The following TUBGCP5 variants were observed in gnomAD, a reference collection of about 807,000 sequenced individuals.
TUBGCP5 encodes gamma-tubulin complex component 5.
Under a neutral mutation model 134.7 loss-of-function variants are expected in TUBGCP5, and 98 were observed. That is an observed-to-expected ratio of 0.73 (90% CI 0.62 to 0.86). The LOEUF (loss-of-function observed/expected upper bound fraction) is 0.86, where lower values mean the gene tolerates loss of function less well. Ranked by LOEUF, TUBGCP5 falls within the 40% of genes least tolerant of loss-of-function variation. The probability of loss-of-function intolerance (pLI) is 0.00; values close to 1 mark genes in which losing one functional copy is unlikely to be tolerated. For missense variants in TUBGCP5, 1,150 were observed against 1,244.8 expected (o/e 0.92, Z 1.15); for synonymous variants, 456 against 431.4 (o/e 1.06, Z -0.71).
At chr15:23,030,376 G>A (rs779849213) in intron 6 of TUBGCP5, among the ~76,000 whole-genome samples, 8 of 152,166 alleles carry the variant, frequency 5.3e-5, no homozygotes, top group Admixed American at 1.3e-4. Context: ...AATAAATGCA[G>A]CTGTCCCTCA....
chr15:23,016,792 A>AATT (rs932692259), intron 13 of TUBGCP5, among the ~76,000 whole-genome samples: 5 of 151,802 alleles, frequency 3.3e-5, no homozygotes, highest in African/African-American at 1.2e-4. Context: ...AAAAACTACA[A>AATT]ATAGAACTAC....
chr15:23,024,890 T>C (rs2065902501), intron 8 of TUBGCP5, 60 bp from the exon 9 acceptor site: 3 of 1,038,642 alleles, frequency 2.9e-6, no homozygotes, highest in Non-Finnish European at 4.4e-6. Context: ...TTCATGACAG[T>C]ATGCCCAGGA....
At chr15:23,017,007 AAG>A (rs1324731971) in intron 13 of TUBGCP5, among the ~76,000 whole-genome samples, 1 of 89,568 alleles carries the variant, frequency 1.1e-5, no homozygotes, top group East Asian at 4.1e-4. Flanking sequence ...TTGAAGATAA[AAG>A]AGTGAATCCT....
intron 11 of TUBGCP5, among the ~76,000 whole-genome samples, chr15:23,020,584 C>CGAAA (rs2065619630): frequency 1.3e-5 from 1 of 76,242 alleles, no homozygotes; most frequent in African/African-American, 5.0e-5. Flanking sequence ...GACTACGTCT[C>CGAAA]AAAAAAAAAA....
intron 16 of TUBGCP5, among the ~76,000 whole-genome samples, chr15:23,007,070 G>A (rs1244131638): frequency 1.3e-5 from 2 of 152,174 alleles, no homozygotes; most frequent in African/African-American, 4.8e-5. Context: ...ACAGGGCAGT[G>A]TGTGATTATG....
At position 23,039,559 on chromosome 15, in the gene TUBGCP5, AGC is replaced by A; in HGVS notation, c.-18_-17del. The A allele has an allele frequency of 7.2e-7, 1 of 1,393,668 alleles. No homozygotes were observed. The highest frequency in any genetic ancestry group is 9.5e-7 in the Non-Finnish European group (1 of 1,058,124). 86.3% of individuals were successfully genotyped at this position (1,393,668 alleles called of 1,614,324 possible). On this transcript the variant is annotated 5_prime_UTR_variant, in exon 1 of 23. Transcript: ENST00000615383. Reference sequence around the variant, plus strand: ...GCCGCGCCATGTTCCGCGCTCCTGCAGCGCGCGTCTAACGAATTGGTGCCTGT... The same window carrying A: ...GCCGCGCCATGTTCCGCGCTCCTGCAGCGCGTCTAACGAATTGGTGCCTGT...
chr15:23,029,751 C>G (rs1032485826), intron 6 of TUBGCP5, among the ~76,000 whole-genome samples: 2 of 151,746 alleles, frequency 1.3e-5, no homozygotes, highest in Non-Finnish European at 2.9e-5. Context: ...GAGTGTGGTA[C>G]ACGCCTGTAA....
intron 6 of TUBGCP5, among the ~76,000 whole-genome samples, chr15:23,029,105 A>T (rs1463333652): frequency 6.6e-6 from 1 of 152,250 alleles, no homozygotes; most frequent in Non-Finnish European, 1.5e-5. Flanking sequence ...AACTCTAGTA[A>T]AAGATAAAAA....
At chr15:22,993,529 T>TG (rs2063928174) in intron 23 of TUBGCP5, among the ~76,000 whole-genome samples, 2 of 83,108 alleles carry the variant, frequency 2.4e-5, no homozygotes, top group Non-Finnish European at 4.8e-5. Flanking sequence ...CCCGAAGTTT[T>TG]TTTTTTTTTT....
chr15:22,988,367 A>G (rs1163513126), intron 23 of TUBGCP5, among the ~76,000 whole-genome samples: 1 of 151,922 alleles, frequency 6.6e-6, no homozygotes, highest in Non-Finnish European at 1.5e-5. Context: ...CAGGTAAAGA[A>G]TGGTGGAGGC....
intron 13 of TUBGCP5, among the ~76,000 whole-genome samples, chr15:23,012,731 G>T (rs1314466966): frequency 6.6e-6 from 1 of 152,150 alleles, no homozygotes; most frequent in Non-Finnish European, 1.5e-5. Context: ...TGAAATTTAT[G>T]ATCGAGTCTG....
chr15:23,016,986 A>ATATATATATATATATATATATG (rs373904143), intron 13 of TUBGCP5, among the ~76,000 whole-genome samples: 103 of 138,284 alleles, frequency 7.4e-4, no homozygotes, highest in Middle Eastern at 3.8e-3. Flanking sequence ...ATATATATAT[A>ATATATATATATATATATATATG]TGTATATATC....
Position 23,011,252 on chromosome 15 carries a change from T to C in TUBGCP5, c.1836A>G (p.Pro612=). The C allele has an allele frequency of 6.2e-7, 1 of 1,613,888 alleles. No homozygotes were observed. The highest frequency in any genetic ancestry group is 8.5e-7 in the Non-Finnish European group (1 of 1,179,960). Reference sequence around the variant, plus strand: ...TTGCCTGTTGCTCAGTAAGAACCTGTGGAGTGGAATCTTCTCCATGTCGAA... The same window carrying C: ...TTGCCTGTTGCTCAGTAAGAACCTGCGGAGTGGAATCTTCTCCATGTCGAA... The part of the protein sequence containing the change: ...SRLRHGEDST[P]QVLTEQQATK... Residue 612 remains proline, a synonymous_variant, in exon 14 of 23, where the codon CCA becomes CCG. Transcript: ENST00000615383.
At position 23,005,387 on chromosome 15, in the gene TUBGCP5, T is replaced by A. The variant is rs753006459; in HGVS notation, c.2712+45A>T. 10 of 1,597,858 alleles carry A rather than the reference T, an allele frequency of 6.3e-6. No homozygotes were observed. In the South Asian group the frequency reaches 1.1e-4, roughly 18 times the overall value. ...ATGAGTAATTCTCTACGAACAACTG[T>A]ATAGATACGACGATAGAACTGAAGC... On this transcript the variant is annotated intron_variant, in intron 19 of 22. Coordinates refer to ENST00000615383, the MANE Select transcript of TUBGCP5 (RefSeq NM_052903.6).
At chr15:22,989,734 C>A (rs1298376269) in intron 23 of TUBGCP5, among the ~76,000 whole-genome samples, 5 of 152,150 alleles carry the variant, frequency 3.3e-5, no homozygotes, top group African/African-American at 1.2e-4. Flanking sequence ...ATAGCATGAT[C>A]TCAGCTGCTA....
At chr15:22,996,303 T>C (rs2064077419), downstream of TUBGCP5, among the ~76,000 whole-genome samples, 2 of 151,946 alleles carry the variant, frequency 1.3e-5, no homozygotes, top group Non-Finnish European at 2.9e-5. Context: ...GCTCGTGCGG[T>C]TTAATTGGCC....
chr15:23,007,620 G>C (rs973330738), intron 16 of TUBGCP5, among the ~76,000 whole-genome samples: 2 of 152,154 alleles, frequency 1.3e-5, no homozygotes, highest in African/African-American at 2.4e-5. Context: ...TATGTCACAG[G>C]GGGGCGGGAG....
chr15:23,027,161 A>G, intron 7 of TUBGCP5, 31 bp downstream of exon 7: 4 of 1,511,206 alleles, frequency 2.6e-6, no homozygotes, highest in Non-Finnish European at 3.6e-6. Context: ...TTCTTCTATC[A>G]TCACATTAAA....
rs181874558 is a variant in TUBGCP5, at chr15:23,013,899, C to T, written c.1757-2568G>A. Among the ~76,000 whole-genome samples, 712 of 152,288 alleles carry T rather than the reference C, an allele frequency of 4.7e-3. 3 individuals are homozygous for T. Among genetic ancestry groups the T allele is most frequent in the Non-Finnish European group, 5.2e-3 (357 of 68,010 alleles). On this transcript the variant is annotated intron_variant, in intron 13 of 22. Transcript: ENST00000615383. The surrounding 1 kb of genome is among the most constrained non-coding windows in gnomAD (Gnocchi z 4.5). Reference sequence around the variant, plus strand: ...CTCTCCTGCACCCCAGCCACTGGGGCTCCATCCTCATTCCACCAAGGCCAC... The same window carrying T: ...CTCTCCTGCACCCCAGCCACTGGGGTTCCATCCTCATTCCACCAAGGCCAC...
Sources: gnomAD v4.1 joint callset for allele counts (sites outside exome capture counted in the v4.1 genomes callset) on GRCh38, gnomAD v4.1.1 for gene constraint, Gnocchi (gnomAD v3.1) non-coding constraint, MANE v1.5 for transcripts, NCBI Gene and HGNC (gene_info 2026-07-23, HGNC 2026-07-21) for gene names.